UNC45B: variants seen among roughly 807,000 people sequenced by gnomAD.
UNC45B encodes unc-45 myosin chaperone B, also known as protein unc-45 homolog B.
A neutral mutation model predicts 98.7 loss-of-function variants in UNC45B; 78 were observed. The observed-to-expected ratio is 0.79, with a 90% confidence interval of 0.66 to 0.95. The LOEUF is 0.95. Ranked by LOEUF, UNC45B falls within the 40% of genes least tolerant of loss-of-function variation. The pLI is 0.00. For synonymous variants in UNC45B, 462 were observed against 480.4 expected, an observed-to-expected ratio of 0.96 and a Z score of 0.50; for missense variants, 1,225 against 1,184.9, an observed-to-expected ratio of 1.03 and a Z score of -0.50.
chr17:35,170,162 G>C lies in UNC45B; in HGVS notation c.1596G>C (p.Val532=), dbSNP rs2092173393. Residue 532 remains valine (V), a synonymous_variant, in exon 12 of 20, where the codon GTG becomes GTC. Coordinates refer to ENST00000394570, the MANE Select transcript of UNC45B (RefSeq NM_001267052.2). ...ACACTCGGACCCGACGCTGGGCAGT[G>C]GAGGGCCTGGCCTACCTCACGCTGG... ...SIDTRTRRWA[V]EGLAYLTLDA... 6.2e-7 allele frequency: 1 copy of C among 1,613,778 alleles called. No individual in the cohort carries two copies. Among genetic ancestry groups the C allele is most frequent in the South Asian group, 1.1e-5 (1 of 91,072 alleles).
chr17:35,148,184 G>A (rs2142521803), intron 1 of UNC45B, 80 bp from the exon 2 acceptor site: 9 of 1,526,592 alleles, frequency 5.9e-6, no homozygotes, highest in Non-Finnish European at 7.2e-6. Flanking sequence ...GGACCCTGGA[G>A]CTCCGGACCT....
intron 8 of UNC45B, among the ~76,000 whole-genome samples, chr17:35,160,248 A>C (rs2092093440): frequency 6.6e-6 from 1 of 152,230 alleles, no homozygotes; most frequent in African/African-American, 2.4e-5. Flanking sequence ...AGATAAGGTG[A>C]ACATAGAATG....
chr17:35,151,124 G>A, intron 4 of UNC45B: 1 of 203,264 alleles, frequency 4.9e-6, no homozygotes, highest in Non-Finnish European at 1.0e-5. Flanking sequence ...GCGCCCCACC[G>A]CGGGGCGGGG....
Position 35,159,555 on chromosome 17 carries a change from G to A in UNC45B, c.979+10G>A. On this transcript the variant is annotated intron_variant, in intron 8 of 19. Transcript: ENST00000394570. ...TATGTGGTGGATAATGGTGAGAAGA[G>A]GGGAAGGTTTGGGGCTTGCTCAAGC... 1 of 1,610,844 alleles carries A rather than the reference G, an allele frequency of 6.2e-7. No homozygotes were observed.
intron 19 of UNC45B, among the ~76,000 whole-genome samples, chr17:35,185,757 G>C (rs1040977146): frequency 2.0e-5 from 3 of 152,120 alleles, no homozygotes; most frequent in African/African-American, 7.2e-5. Flanking sequence ...AGATGACCCT[G>C]AGGCTTACAG....
chr17:35,169,347 T>G (rs1470348043), intron 10 of UNC45B, among the ~76,000 whole-genome samples: 2 of 152,180 alleles, frequency 1.3e-5, no homozygotes, highest in Non-Finnish European at 2.9e-5. Context: ...CAGCATCAAT[T>G]TTTTAAAAAC....
chr17:35,150,311 G>A (rs1179618402), intron 4 of UNC45B, 88 bp downstream of exon 4: 4 of 1,443,142 alleles, frequency 2.8e-6, no homozygotes, highest in Admixed American at 2.2e-5. Context: ...GGGTCATCAG[G>A]GCAGGGCTAG....
chr17:35,150,509 G>A (rs1234888784), intron 4 of UNC45B, among the ~76,000 whole-genome samples: 1 of 152,226 alleles, frequency 6.6e-6, no homozygotes. Flanking sequence ...AATACTTTGG[G>A]AGGCTGAGGC....
At chr17:35,169,996 G>A (rs993222816) in intron 11 of UNC45B, 65 bp downstream of exon 11, 3 of 1,611,664 alleles carry the variant, frequency 1.9e-6, no homozygotes, top group Non-Finnish European at 2.5e-6. Context: ...GAGTCTCTGG[G>A]GTGTGCTCTA....
chr17:35,170,151 C>A lies in UNC45B; in HGVS notation c.1585C>A (p.Arg529Ser). ...TATGTCCATAGACACTCGGACCCGA[C>A]GCTGGGCAGTGGAGGGCCTGGCCTA... ...CNMSIDTRTR[R>S]WAVEGLAYLT... The change falls in exon 12 of 20, where the codon CGC (arginine) becomes AGC (serine). Residue 529 changes from arginine to serine, a missense_variant. Physicochemically the swap from Arg to Ser is moderately radical, Grantham distance 110. Transcript: ENST00000394570. The A allele has an allele frequency of 1.9e-6, 3 of 1,613,626 alleles. No individual in the cohort carries two copies. Among genetic ancestry groups the A allele is most frequent in the Non-Finnish European group, 2.5e-6 (3 of 1,179,682 alleles).
chr17:35,151,938 C>A (rs1567753702), intron 4 of UNC45B, among the ~76,000 whole-genome samples: 1 of 151,788 alleles, frequency 6.6e-6, no homozygotes, highest in African/African-American at 2.4e-5. Context: ...CTGTTCCTAC[C>A]AAAAATTAAA....
At chr17:35,175,266 C>CA (rs1490827376) in intron 14 of UNC45B, among the ~76,000 whole-genome samples, 1 of 152,128 alleles carries the variant, frequency 6.6e-6, no homozygotes, top group African/African-American at 2.4e-5. Context: ...ACCTTGTTCT[C>CA]AGAGATTAAA....
At chr17:35,155,984 T>C (rs2142538945) in intron 7 of UNC45B, among the ~76,000 whole-genome samples, 1 of 152,332 alleles carries the variant, frequency 6.6e-6, no homozygotes, top group African/African-American at 2.4e-5. Flanking sequence ...GAGCAAAATA[T>C]GGTATATACA....
intron 8 of UNC45B, among the ~76,000 whole-genome samples, chr17:35,162,416 T>C (rs1036790925): frequency 6.6e-6 from 1 of 152,172 alleles, no homozygotes; most frequent in Admixed American, 6.6e-5. Context: ...CTTTAAGTGG[T>C]AAAATGTACA....
rs1324834500 is a variant in UNC45B at position 35,155,144 on chromosome 17, A to G, written c.640-152A>G. On this transcript the variant is annotated intron_variant, in intron 6 of 19. Transcript: ENST00000394570. ...CATGGCTTGTTGTCAAGAGGTTTCC[A>G]GGACAGAGGGGCCCATGAGGCAATG... The G allele has an allele frequency of 3.3e-6, 3 of 919,512 alleles. No individual in the cohort carries two copies. In the Admixed American group the frequency reaches 8.4e-5, roughly 26 times the overall value. 57.0% of individuals were successfully genotyped at this position (919,512 alleles called of 1,614,324 possible).
intron 9 of UNC45B, among the ~76,000 whole-genome samples, chr17:35,166,086 T>TAAAAAAAAAAAAA (rs55844448): frequency 1.0e-3 from 58 of 58,092 alleles, no homozygotes; most frequent in Admixed American, 1.8e-3. Context: ...CCCTCATCTC[T>TAAAAAAAAAAAAA]AAAAAAAAAA....
chr17:35,174,371 T>G lies in UNC45B; in HGVS notation c.1958+2T>G. 6.2e-7 allele frequency: 1 copy of G among 1,613,980 alleles called. No homozygotes were observed. The highest frequency in any genetic ancestry group is 2.2e-5 in the East Asian group (1 of 44,876). ...CCAGACCAAGGAGCTGCTGGCCAGG[T>G]GGGGCTGCAGTGGGCCAAGGCTTGG... is the stretch of plus-strand genomic sequence containing the variant. On this transcript the variant is annotated splice_donor_variant, in intron 14 of 19. Coordinates refer to ENST00000394570, the MANE Select transcript of UNC45B (RefSeq NM_001267052.2). LOFTEE classifies it high-confidence loss of function.
chr17:35,174,417 G>C, intron 14 of UNC45B, 48 bp downstream of exon 14: 3 of 1,611,458 alleles, frequency 1.9e-6, no homozygotes, highest in Non-Finnish European at 2.5e-6. Context: ...GGGGGCCGAG[G>C]GTCCTGGAGT....
chr17:35,182,962 G>A, intron 18 of UNC45B, among the ~76,000 whole-genome samples: 1 of 151,914 alleles, frequency 6.6e-6, no homozygotes, highest in Non-Finnish European at 1.5e-5. Flanking sequence ...TCTCTCACCT[G>A]GTGGAGACGG....
Sources: allele counts gnomAD v4.1 joint callset (sites outside exome capture counted in the v4.1 genomes callset), GRCh38; gene constraint gnomAD v4.1.1; transcripts MANE v1.5; gene names NCBI Gene and HGNC (gene_info 2026-07-23, HGNC 2026-07-21).